The following ROBO2 variants were observed in gnomAD, a reference collection of about 807,000 sequenced individuals.
The protein encoded by ROBO2 is roundabout homolog 2.
Under a neutral mutation model 160.8 loss-of-function variants are expected in ROBO2, and 53 were observed. The ratio of observed to expected loss-of-function variants is 0.33; its 90% CI spans 0.26 to 0.41. The LOEUF (loss-of-function observed/expected upper bound fraction) is 0.41, where lower values mean the gene tolerates loss of function less well. Ranked by LOEUF, ROBO2 falls within the 10% of genes least tolerant of loss-of-function variation. ROBO2 has a pLI of 1.00. For synonymous variants in ROBO2, 664 were observed against 611.7 expected (o/e 1.09, Z -1.26); for missense variants, 1,577 against 1,722.4 (o/e 0.92, Z 1.49).
chr3:77,176,112 T>C (rs1392749397), intron 2 of ROBO2, among the ~76,000 whole-genome samples: 1 of 151,282 alleles, frequency 6.6e-6, no homozygotes, highest in African/African-American at 2.4e-5. Context: ...CTCCAAAAGA[T>C]TGAGGGAGAA....
intron 2 of ROBO2, among the ~76,000 whole-genome samples, chr3:76,767,784 C>G (rs978102642): frequency 1.3e-5 from 2 of 151,536 alleles, no homozygotes; most frequent in South Asian, 4.2e-4. Flanking sequence ...GTTTTAGCTT[C>G]CACTTCAATA....
At chr3:76,466,847 C>A (rs1011830582) in intron 2 of ROBO2, among the ~76,000 whole-genome samples, 4 of 151,970 alleles carry the variant, frequency 2.6e-5, no homozygotes, top group Non-Finnish European at 4.4e-5. Flanking sequence ...TAGTATTGCA[C>A]TCCTATCATG....
At chr3:77,524,105 A>G (rs1269628929) in intron 6 of ROBO2, among the ~76,000 whole-genome samples, 2 of 151,302 alleles carry the variant, frequency 1.3e-5, no homozygotes, top group East Asian at 1.9e-4. Flanking sequence ...CTGGAAAAAT[A>G]TTGGTGCTTT....
At chr3:77,222,343 T>C (rs1051577658) in intron 2 of ROBO2, among the ~76,000 whole-genome samples, 1 of 152,204 alleles carries the variant, frequency 6.6e-6, no homozygotes, top group Non-Finnish European at 1.5e-5. Context: ...TTAATCTCAC[T>C]GATTTGGTGT....
chr3:76,425,487 AGTGTGTGTGTGTGTGTGTGTGTGTGTGT>A (rs10530471), intron 2 of ROBO2, among the ~76,000 whole-genome samples: 1 of 146,468 alleles, frequency 6.8e-6, no homozygotes, highest in African/African-American at 2.5e-5. Flanking sequence ...TGATGCAGCA[AGTGTGTGTGTGTGTGTGTGTGTGTGTGT>A]GTGTGTGTGT....
intron 2 of ROBO2, among the ~76,000 whole-genome samples, chr3:76,935,114 G>A (rs2077613629): frequency 6.6e-6 from 1 of 151,842 alleles, no homozygotes; most frequent in Admixed American, 6.6e-5. Flanking sequence ...ACCACACCTG[G>A]CTAATTTTTT....
At chr3:76,933,286 A>G (rs1272927663) in intron 2 of ROBO2, among the ~76,000 whole-genome samples, 3 of 152,210 alleles carry the variant, frequency 2.0e-5, no homozygotes, top group African/African-American at 7.2e-5. Context: ...TGATTATACT[A>G]GTTATCCTAT....
chr3:76,367,943 A>G (rs1279890971), intron 2 of ROBO2, among the ~76,000 whole-genome samples: 1 of 151,778 alleles, frequency 6.6e-6, no homozygotes, highest in Non-Finnish European at 1.5e-5. Context: ...ACATTACTTA[A>G]AAGTATAGAC....
At chr3:77,475,962 AG>A (rs2083946317) in intron 2 of ROBO2, among the ~76,000 whole-genome samples, 1 of 152,220 alleles carries the variant, frequency 6.6e-6, no homozygotes, top group Admixed American at 6.5e-5. Flanking sequence ...TAAATTAATC[AG>A]CTTATAAACT....
intron 2 of ROBO2, among the ~76,000 whole-genome samples, chr3:76,212,570 G>GA (rs1450982690): frequency 1.3e-5 from 2 of 151,588 alleles, no homozygotes; most frequent in Admixed American, 6.6e-5. Flanking sequence ...CTAAATGCTA[G>GA]AATAAAAAGT....
intron 2 of ROBO2, among the ~76,000 whole-genome samples, chr3:77,220,987 T>G (rs1172154485): frequency 6.6e-6 from 1 of 152,188 alleles, no homozygotes; most frequent in Non-Finnish European, 1.5e-5. Context: ...AAAGTTAGCA[T>G]TGAGTGTTAA....
intron 23 of ROBO2, among the ~76,000 whole-genome samples, chr3:77,622,976 C>T (rs1046545487): frequency 3.9e-5 from 6 of 152,140 alleles, no homozygotes; most frequent in Admixed American, 2.6e-4. Context: ...AAATGCTTCT[C>T]TTCCAAGAAA....
intron 13 of ROBO2, among the ~76,000 whole-genome samples, chr3:77,571,514 A>G (rs2093635983): frequency 6.6e-6 from 1 of 152,110 alleles, no homozygotes; most frequent in South Asian, 2.1e-4. Flanking sequence ...AAGTAAACTG[A>G]GGTTCAGAAA....
chr3:76,118,470 A>G (rs1045442558), intron 2 of ROBO2, among the ~76,000 whole-genome samples: 1 of 152,186 alleles, frequency 6.6e-6, no homozygotes, highest in Non-Finnish European at 1.5e-5. Context: ...CTGTTTCTCC[A>G]AATGAGGGAG....
At position 76,621,314 on chromosome 3, in the gene ROBO2, A is replaced by T. The variant is rs189139707; in HGVS notation, c.110-476700A>T. On this transcript the variant is annotated intron_variant, in intron 2 of 26. Transcript: ENST00000487694. ...TCATATCCTTTTTGGCAGATAGAAG[A>T]TTCTTACACGCTTTGGTCTGTTAAG... Among the ~76,000 whole-genome samples, 7 of 152,292 alleles carry T rather than the reference A, an allele frequency of 4.6e-5. No homozygotes were observed. The East Asian group carries it at 1.4e-3, about 29-fold the overall frequency.
intron 2 of ROBO2, among the ~76,000 whole-genome samples, chr3:76,045,211 T>A (rs7610010): frequency 0.63 from 96,380 of 151,946 alleles, 32,108 homozygotes; most frequent in African/African-American, 0.82. Context: ...TGATTAATAC[T>A]GTACAATCTT....
chr3:76,313,540 GTTAAA>G (rs2071750672), intron 2 of ROBO2, among the ~76,000 whole-genome samples: 1 of 152,174 alleles, frequency 6.6e-6, no homozygotes, highest in Non-Finnish European at 1.5e-5. Flanking sequence ...AATGAGTCAT[GTTAAA>G]TTAAACACTG....
intron 2 of ROBO2, among the ~76,000 whole-genome samples, chr3:76,494,766 A>G (rs1256502770): frequency 6.6e-6 from 1 of 152,222 alleles, no homozygotes; most frequent in African/African-American, 2.4e-5. Flanking sequence ...CCTCAAAAGC[A>G]TTACGCTAAG....
At chr3:76,857,206 C>T (rs1001569939) in intron 2 of ROBO2, among the ~76,000 whole-genome samples, 2 of 152,060 alleles carry the variant, frequency 1.3e-5, no homozygotes, top group South Asian at 4.1e-4. Context: ...AGGATGGTCT[C>T]GATCTCCTGA....
Sources: allele counts gnomAD v4.1 joint callset (sites outside exome capture counted in the v4.1 genomes callset), GRCh38; gene constraint gnomAD v4.1.1; transcripts MANE v1.5; gene names NCBI Gene and HGNC (gene_info 2026-07-23, HGNC 2026-07-21).